Variants in SULT6B1 observed in about 807,000 individuals in gnomAD.
The protein encoded by SULT6B1 is sulfotransferase 6B1.
In SULT6B1, 44 loss-of-function variants were observed where a neutral mutation model predicts 37.2. The ratio of observed to expected loss-of-function variants is 1.18; its 90% CI spans 0.93 to 1.52. The LOEUF (loss-of-function observed/expected upper bound fraction) is 1.52. Ranked by LOEUF, SULT6B1 falls within the 40% of genes most tolerant of loss-of-function variation. The pLI is 0.00. For missense variants in SULT6B1, 450 were observed against 361.0 expected (o/e 1.25, Z -2.00); for synonymous variants, 140 against 126.0 (o/e 1.11, Z -0.74).
chr2:37,168,056 C>T lies in SULT6B1; in HGVS notation c.791G>A (p.Gly264Asp), dbSNP rs1676217641. Residue 264 changes from glycine to aspartate, a missense_variant, in exon 7 of 7, where the codon GGT (glycine) becomes GAT (aspartate). Coordinates refer to ENST00000535679, the MANE Select transcript of SULT6B1 (RefSeq NM_001367551.1). ...TTCACTGAACAAATTTTTCCAATCA[C>T]CAACTTCACCTACAACACACAAAAA... ...GPFLFRKGEV[G>D]DWKNLFSEIQ... is the part of the protein sequence containing the mutation. 1 of 1,591,034 alleles carries T rather than the reference C, an allele frequency of 6.3e-7. No homozygotes were observed. Among genetic ancestry groups the T allele is most frequent in the Non-Finnish European group, 8.5e-7 (1 of 1,174,054 alleles).
upstream of SULT6B1, among the ~76,000 whole-genome samples, chr2:37,192,979 G>T (rs562089798): frequency 6.6e-6 from 1 of 152,146 alleles, no homozygotes; most frequent in Non-Finnish European, 1.5e-5. Context: ...AACCTGTATC[G>T]TGTGATATGT....
At chr2:37,183,553 T>G (rs766970101) in intron 2 of SULT6B1, 39 bp from the exon 3 acceptor site, 3 of 1,453,816 alleles carry the variant, frequency 2.1e-6, no homozygotes, top group Admixed American at 1.7e-5. Flanking sequence ...TGTGCACGTG[T>G]GTGCATGTGT....
At chr2:37,184,756 C>T (rs138899754) in intron 2 of SULT6B1, among the ~76,000 whole-genome samples, 3,523 of 151,946 alleles carry the variant, frequency 0.023, 65 homozygotes, top group Middle Eastern at 0.054. Context: ...CACTTGAACC[C>T]GGGAGGCGGA....
chr2:37,187,928 G>A (rs1188409445), intron 1 of SULT6B1, among the ~76,000 whole-genome samples: 1 of 152,252 alleles, frequency 6.6e-6, no homozygotes, highest in East Asian at 1.9e-4. Flanking sequence ...AAAAGGAGAT[G>A]GTAGAAAGCA....
chr2:37,171,689 C>T (rs1046719411), intron 5 of SULT6B1, 99 bp from the exon 6 acceptor site: 64 of 1,066,558 alleles, frequency 6.0e-5, no homozygotes, highest in Non-Finnish European at 8.3e-5. Context: ...AGCCTAACTC[C>T]CTAGTTCATC....
intron 6 of SULT6B1, among the ~76,000 whole-genome samples, chr2:37,170,245 T>C (rs1676264040): frequency 6.8e-6 from 1 of 147,472 alleles, no homozygotes; most frequent in Admixed American, 6.8e-5. Context: ...AATGGGTGGA[T>C]CACCTGAGGT....
chr2:37,191,846 G>C (rs1201469085), upstream of SULT6B1, among the ~76,000 whole-genome samples: 1 of 152,236 alleles, frequency 6.6e-6, no homozygotes, highest in Non-Finnish European at 1.5e-5. Context: ...GCAGGGAGTG[G>C]AGCAATGGGA....
intron 4 of SULT6B1, among the ~76,000 whole-genome samples, chr2:37,177,549 G>C (rs59795351): frequency 1.3e-5 from 2 of 152,040 alleles, no homozygotes; most frequent in Non-Finnish European, 2.9e-5. Context: ...GGGAAGGGCA[G>C]AAAATAGGGA....
At chr2:37,179,696 T>A in intron 3 of SULT6B1, 112 bp from the exon 4 acceptor site, 4 of 946,118 alleles carry the variant, frequency 4.2e-6, no homozygotes, top group Non-Finnish European at 6.2e-6. Flanking sequence ...ATTGTGTTAA[T>A]ATATAGAGAA....
upstream of SULT6B1, among the ~76,000 whole-genome samples, chr2:37,190,599 G>A (rs1000643235): frequency 6.6e-6 from 1 of 152,178 alleles, no homozygotes; most frequent in Non-Finnish European, 1.5e-5. Context: ...GAAGACGAGA[G>A]GTGAGGGTTG....
intron 1 of SULT6B1, among the ~76,000 whole-genome samples, chr2:37,194,902 TTCCTTCCTTCCTTCCTTCCTTCC>T (rs1676872484): frequency 4.5e-5 from 1 of 21,990 alleles, no homozygotes; most frequent in African/African-American, 2.1e-4. Context: ...CCTTCTTTCC[TTCCTTCCTTCCTTCCTTCCTTCC>T]TTCCTTCCTT....
chr2:37,179,499 C>G lies in SULT6B1; in HGVS notation c.488G>C (p.Gly163Ala), dbSNP rs746101389. The G allele has an allele frequency of 1.2e-6, 2 of 1,613,734 alleles. No individual in the cohort carries two copies. The highest frequency in any genetic ancestry group is 2.7e-5 in the African/African-American group (2 of 74,898). ...HNDVPDIPSY[G>A]SWDEFFRQFM... ...CTGTCTGAAGAATTCATCCCAAGAG[C>G]CATAGCTTGGAATATCGGGGACATC... Residue 163 changes from glycine (G) to alanine (A), a missense_variant, in exon 4 of 7, where the codon GGC (glycine) becomes GCC (alanine). Gly to Ala is a moderately conservative substitution (Grantham distance 60, BLOSUM62 0). Transcript: ENST00000535679.
chr2:37,193,874 A>G (rs149979884), intron 1 of SULT6B1, among the ~76,000 whole-genome samples: 7 of 152,326 alleles, frequency 4.6e-5, no homozygotes, highest in Non-Finnish European at 5.9e-5. Context: ...TTAGTAAATC[A>G]GGCTAGGACC....
upstream of SULT6B1, among the ~76,000 whole-genome samples, chr2:37,190,503 T>C (rs373711864): frequency 6.6e-6 from 1 of 152,206 alleles, no homozygotes; most frequent in East Asian, 1.9e-4. Flanking sequence ...TCTGATGTAA[T>C]TTCCTAACAG....
chr2:37,171,309 G>C (rs892694208), intron 6 of SULT6B1, 125 bp downstream of exon 6: 1 of 1,174,856 alleles, frequency 8.5e-7, no homozygotes, highest in South Asian at 1.7e-5. Flanking sequence ...CCTGTGTCCA[G>C]ACCTCTTACT....
intron 5 of SULT6B1, among the ~76,000 whole-genome samples, chr2:37,172,668 T>C (rs6751289): frequency 0.72 from 109,240 of 151,500 alleles, 39,614 homozygotes; most frequent in East Asian, 0.96. Context: ...CCACCACGCC[T>C]GGCTAATTTT....
chr2:37,172,785 G>C (rs1049626597), intron 5 of SULT6B1, among the ~76,000 whole-genome samples: 2 of 152,132 alleles, frequency 1.3e-5, no homozygotes, highest in Non-Finnish European at 2.9e-5. Context: ...TAGGATTACA[G>C]GCGTGAGCCG....
At chr2:37,191,988 G>A (rs1187547797), upstream of SULT6B1, among the ~76,000 whole-genome samples, 3 of 152,196 alleles carry the variant, frequency 2.0e-5, no homozygotes, top group African/African-American at 4.8e-5. Context: ...TGGCATGGCC[G>A]GCCCAGCAGC....
At chr2:37,183,307 A>C in intron 3 of SULT6B1, 118 bp downstream of exon 3, 1 of 786,474 alleles carries the variant, frequency 1.3e-6, no homozygotes, top group East Asian at 2.5e-5. Flanking sequence ...AAAAAAACTA[A>C]ATGTCACAGT....
Sources: allele counts gnomAD v4.1 joint callset (sites outside exome capture counted in the v4.1 genomes callset), GRCh38; gene constraint gnomAD v4.1.1; transcripts MANE v1.5; gene names NCBI Gene and HGNC (gene_info 2026-07-23, HGNC 2026-07-21).